ZNF804B: variants seen among roughly 807,000 people sequenced by gnomAD.
The protein encoded by ZNF804B is zinc finger protein 804B, also known as zinc finger 804B.
A neutral mutation model predicts 101.4 loss-of-function variants in ZNF804B; 80 were observed. That is an observed-to-expected ratio of 0.79 (90% CI 0.66 to 0.95). The LOEUF is 0.95. Ranked by LOEUF, ZNF804B falls within the 40% of genes least tolerant of loss-of-function variation. The probability of loss-of-function intolerance (pLI) is 0.00; values close to 1 mark genes in which losing one functional copy is unlikely to be tolerated. For missense variants in ZNF804B, 1,673 were observed against 1,561.9 expected, an observed-to-expected ratio of 1.07 and a Z score of -1.20; for synonymous variants, 622 against 558.8, an observed-to-expected ratio of 1.11 and a Z score of -1.59.
At chr7:89,297,383 A>G (rs1382199369) in intron 2 of ZNF804B, among the ~76,000 whole-genome samples, 2 of 152,054 alleles carry the variant, frequency 1.3e-5, no homozygotes, top group African/African-American at 4.8e-5. Context: ...CTAAATAATA[A>G]CCATCATTCT....
rs116396359 is a variant in ZNF804B at position 89,013,516 on chromosome 7, A to C, written c.109-204639A>C. Among the ~76,000 whole-genome samples the C allele has an allele frequency of 7.8e-3, 1,186 of 152,298 alleles. 20 individuals carry two copies. Among genetic ancestry groups the C allele is most frequent in the African/African-American group, 0.027 (1,129 of 41,546 alleles). On this transcript the variant is annotated intron_variant, in intron 1 of 3. Coordinates refer to ENST00000333190, the MANE Select transcript of ZNF804B (RefSeq NM_181646.5). ...ATTCTTTATTTTTATTTTTTAATTG[A>C]CACATAATAATTGTGCATATTTATG...
intron 2 of ZNF804B, among the ~76,000 whole-genome samples, chr7:89,305,598 C>G (rs1204427106): frequency 6.6e-6 from 1 of 151,724 alleles, no homozygotes; most frequent in African/African-American, 2.4e-5. Flanking sequence ...TAACAAATTT[C>G]CTATAGTTGA....
At chr7:88,850,140 C>G (rs1219673374) in intron 1 of ZNF804B, among the ~76,000 whole-genome samples, 1 of 152,048 alleles carries the variant, frequency 6.6e-6, no homozygotes, top group African/African-American at 2.4e-5. Context: ...ATTCTCAAGA[C>G]ATTTTACGTT....
intron 2 of ZNF804B, among the ~76,000 whole-genome samples, chr7:89,300,457 G>C (rs191379331): frequency 6.6e-6 from 1 of 151,740 alleles, no homozygotes; most frequent in African/African-American, 2.4e-5. Context: ...AGAGGAAAAA[G>C]TTAGAGCTAT....
intron 1 of ZNF804B, among the ~76,000 whole-genome samples, chr7:89,171,378 T>G (rs1299982991): frequency 1.5e-5 from 2 of 134,636 alleles, no homozygotes; most frequent in Non-Finnish European, 3.3e-5. Flanking sequence ...CTCTTCTTCC[T>G]CTTCTTCCTC....
intron 1 of ZNF804B, among the ~76,000 whole-genome samples, chr7:88,864,940 T>G (rs1219798896): frequency 6.6e-6 from 1 of 152,118 alleles, no homozygotes; most frequent in Non-Finnish European, 1.5e-5. Context: ...ATAAAAATAT[T>G]TAACTTGGCC....
intron 1 of ZNF804B, among the ~76,000 whole-genome samples, chr7:88,823,795 G>A (rs756404432): frequency 3.9e-5 from 6 of 152,098 alleles, no homozygotes; most frequent in Non-Finnish European, 8.8e-5. Context: ...TTTGCTTACT[G>A]GCTTGAGAGA....
intron 1 of ZNF804B, among the ~76,000 whole-genome samples, chr7:89,018,442 C>T (rs6978338): frequency 0.83 from 126,737 of 151,988 alleles, 53,295 homozygotes; most frequent in African/African-American, 0.95. Flanking sequence ...TGCATCCATG[C>T]TCTTCAGGAA....
intron 2 of ZNF804B, among the ~76,000 whole-genome samples, chr7:89,285,314 A>G (rs1439988089): frequency 6.6e-6 from 1 of 151,696 alleles, no homozygotes; most frequent in African/African-American, 2.4e-5. Flanking sequence ...TGAGGTCAGG[A>G]GATCGAGACC....
chr7:89,255,774 A>G (rs1789621777), intron 2 of ZNF804B, among the ~76,000 whole-genome samples: 1 of 152,188 alleles, frequency 6.6e-6, no homozygotes, highest in Non-Finnish European at 1.5e-5. Context: ...AGAGGGAAAT[A>G]TAAGTAATAA....
intron 1 of ZNF804B, among the ~76,000 whole-genome samples, chr7:89,025,835 A>T (rs1350140326): frequency 6.6e-6 from 1 of 152,142 alleles, no homozygotes; most frequent in African/African-American, 2.4e-5. Flanking sequence ...TATGTGTCCA[A>T]ACTATTTTTT....
At chr7:88,910,431 G>T (rs1321244877) in intron 1 of ZNF804B, among the ~76,000 whole-genome samples, 1 of 151,782 alleles carries the variant, frequency 6.6e-6, no homozygotes, top group South Asian at 2.1e-4. Context: ...GTGTCTATTA[G>T]ATTAGAAAAA....
chr7:88,974,560 TC>T (rs1793587351), intron 1 of ZNF804B, among the ~76,000 whole-genome samples: 1 of 151,302 alleles, frequency 6.6e-6, no homozygotes, highest in Non-Finnish European at 1.5e-5. Flanking sequence ...CATGTTATAG[TC>T]TGTTTGAAAT....
chr7:89,051,509 A>G (rs186808476), intron 1 of ZNF804B, among the ~76,000 whole-genome samples: 1 of 152,240 alleles, frequency 6.6e-6, no homozygotes, highest in East Asian at 1.9e-4. Context: ...AAAGTTTGCT[A>G]TTTTACCATT....
chr7:88,940,442 A>G (rs893207582), intron 1 of ZNF804B, among the ~76,000 whole-genome samples: 6 of 152,046 alleles, frequency 3.9e-5, no homozygotes, highest in African/African-American at 1.4e-4. Context: ...TAATACATAC[A>G]TAAGCTAAAA....
intron 1 of ZNF804B, among the ~76,000 whole-genome samples, chr7:88,849,425 T>A (rs1791419185): frequency 6.6e-6 from 1 of 151,926 alleles, no homozygotes; most frequent in Non-Finnish European, 1.5e-5. Context: ...TTTATATTTT[T>A]AATTATAAAT....
intron 1 of ZNF804B, among the ~76,000 whole-genome samples, chr7:88,829,196 T>G (rs1791094225): frequency 6.6e-6 from 1 of 152,062 alleles, no homozygotes; most frequent in Non-Finnish European, 1.5e-5. Flanking sequence ...ACTCCTGGGC[T>G]CCTCCCACCT....
At chr7:88,762,619 T>C (rs1789915538) in intron 1 of ZNF804B, among the ~76,000 whole-genome samples, 1 of 152,196 alleles carries the variant, frequency 6.6e-6, no homozygotes, top group African/African-American at 2.4e-5. Context: ...TTATTGATTT[T>C]TTTCCTTTAG....
chr7:89,006,816 T>C (rs191833007), intron 1 of ZNF804B, among the ~76,000 whole-genome samples: 3 of 151,814 alleles, frequency 2.0e-5, no homozygotes, highest in Admixed American at 1.3e-4. Context: ...TGTAGATTAA[T>C]TTTTTTTTCT....
Sources: gnomAD v4.1 joint callset for allele counts (sites outside exome capture counted in the v4.1 genomes callset) on GRCh38, gnomAD v4.1.1 for gene constraint, MANE v1.5 for transcripts, NCBI Gene and HGNC (gene_info 2026-07-23, HGNC 2026-07-21) for gene names.